The following LAMA2 variants were observed in gnomAD, a reference collection of about 807,000 sequenced individuals.
LAMA2 encodes the protein laminin subunit alpha-2.
LAMA2 carries 269 observed loss-of-function variants against 364.8 expected under a neutral mutation model. That is an observed-to-expected ratio of 0.74 (90% CI 0.67 to 0.82). LAMA2 has a LOEUF of 0.82. Among genes scored for constraint, LAMA2 ranks in the 40% least tolerant of loss-of-function variants. The pLI is 0.00. For synonymous variants in LAMA2, 1,379 were observed against 1,370.6 expected (o/e 1.01, Z -0.14); for missense variants, 3,807 against 3,873.2 (o/e 0.98, Z 0.45).
chr6:129,192,761 C>T lies in LAMA2; in HGVS notation c.1690C>T (p.Pro564Ser). ...VAPQQDDLDS[P>S]QQISISNAEA... ...TCCCCAGCAGGACGACTTGGACTCA[C>T]CTCAGCAGATCAGCATCAGTAACGC... The change falls in exon 12 of 65, where the codon CCT becomes TCT. Residue 564 changes from proline (P) to serine (S), a missense_variant. Transcript: ENST00000421865. The T allele has an allele frequency of 3.1e-6, 5 of 1,614,176 alleles. No individual in the cohort carries two copies. The South Asian group carries it at 5.5e-5, about 18-fold the overall frequency.
At chr6:129,124,040 T>C (rs1776963702) in intron 4 of LAMA2, among the ~76,000 whole-genome samples, 1 of 152,234 alleles carries the variant, frequency 6.6e-6, no homozygotes, top group African/African-American at 2.4e-5. Flanking sequence ...GTAAGGCTTT[T>C]TGTATGTCAA....
At chr6:129,314,398 C>CAAAAAGAAAAAAAAAAAAAAAAAAAAA (rs1774433514) in intron 23 of LAMA2, among the ~76,000 whole-genome samples, 1 of 81,890 alleles carries the variant, frequency 1.2e-5, no homozygotes, top group African/African-American at 5.5e-5. Flanking sequence ...GACTCCGTCT[C>CAAAAAGAAAAAAAAAAAAAAAAAAAAA]AAAAAAAAAA....
intron 22 of LAMA2, among the ~76,000 whole-genome samples, chr6:129,311,118 A>G (rs572144644): frequency 6.6e-6 from 1 of 151,324 alleles, no homozygotes; most frequent in Non-Finnish European, 1.5e-5. Flanking sequence ...AAAAATAATG[A>G]TGAAGATTCT....
intron 3 of LAMA2, among the ~76,000 whole-genome samples, chr6:129,070,178 G>A (rs1184442144): frequency 6.6e-6 from 1 of 152,046 alleles, no homozygotes; most frequent in Non-Finnish European, 1.5e-5. Context: ...GGAGCAAATA[G>A]GCCCACTTCC....
At chr6:129,006,328 C>T (rs1380092902) in intron 1 of LAMA2, among the ~76,000 whole-genome samples, 1 of 152,122 alleles carries the variant, frequency 6.6e-6, no homozygotes, top group Non-Finnish European at 1.5e-5. Context: ...AGTTTAATAT[C>T]TTTTAACTTG....
chr6:129,476,863 T>C (rs1243144744), intron 53 of LAMA2, among the ~76,000 whole-genome samples: 1 of 151,956 alleles, frequency 6.6e-6, no homozygotes, highest in Non-Finnish European at 1.5e-5. Context: ...TCAATGAAAA[T>C]AAAGAAGTTC....
At chr6:129,340,800 C>T (rs867998034) in intron 29 of LAMA2, among the ~76,000 whole-genome samples, 1 of 136,178 alleles carries the variant, frequency 7.3e-6, no homozygotes, top group Middle Eastern at 4.2e-3. Flanking sequence ...GGTGCCACTG[C>T]ACTCCAGCCT....
At chr6:129,196,616 T>G (rs1781868277) in intron 12 of LAMA2, among the ~76,000 whole-genome samples, 1 of 152,224 alleles carries the variant, frequency 6.6e-6, no homozygotes, top group African/African-American at 2.4e-5. Context: ...GTCCTCAAAA[T>G]TATTCAGAAG....
intron 40 of LAMA2, among the ~76,000 whole-genome samples, chr6:129,407,124 G>A (rs535758449): frequency 7.9e-5 from 12 of 152,176 alleles, no homozygotes; most frequent in South Asian, 2.1e-4. Context: ...ATTAGATGGT[G>A]CCCACCCACA....
intron 10 of LAMA2, among the ~76,000 whole-genome samples, chr6:129,189,422 T>G (rs1271086943): frequency 1.3e-5 from 2 of 152,102 alleles, no homozygotes; most frequent in East Asian, 3.8e-4. Flanking sequence ...TGTTTTTCAT[T>G]ATATGGTCAG....
At chr6:129,091,705 C>A (rs2114860301) in intron 3 of LAMA2, among the ~76,000 whole-genome samples, 1 of 152,316 alleles carries the variant, frequency 6.6e-6, no homozygotes, top group East Asian at 1.9e-4. Flanking sequence ...TCCTCCTGAA[C>A]TCCCCACCAC....
chr6:128,972,354 A>G (rs1782236561), intron 1 of LAMA2, among the ~76,000 whole-genome samples: 1 of 152,210 alleles, frequency 6.6e-6, no homozygotes, highest in African/African-American at 2.4e-5. Flanking sequence ...ATGGTTTTGT[A>G]TGAGTTACTT....
At chr6:129,040,011 T>G (rs6569574) in intron 1 of LAMA2, among the ~76,000 whole-genome samples, 50,393 of 152,032 alleles carry the variant, frequency 0.33, 9,754 homozygotes, top group African/African-American at 0.54. Flanking sequence ...GTTGATGTGT[T>G]TGTGTGGCGG....
chr6:129,092,437 G>A (rs983018204), intron 3 of LAMA2, among the ~76,000 whole-genome samples: 3 of 152,122 alleles, frequency 2.0e-5, no homozygotes, highest in African/African-American at 4.8e-5. Flanking sequence ...CTTAATGAAA[G>A]CCACCGTTCC....
intron 1 of LAMA2, among the ~76,000 whole-genome samples, chr6:128,912,396 C>G (rs1471517420): frequency 1.3e-5 from 2 of 152,046 alleles, no homozygotes; most frequent in African/African-American, 4.8e-5. Context: ...AAAGTTGGCT[C>G]TATAGGGAAA....
At chr6:129,373,525 A>G (rs1778204726) in intron 34 of LAMA2, among the ~76,000 whole-genome samples, 1 of 152,122 alleles carries the variant, frequency 6.6e-6, no homozygotes, top group Non-Finnish European at 1.5e-5. Context: ...ATTACCATTA[A>G]CCCAAGACTG....
chr6:129,400,865 G>A (rs6908321), intron 37 of LAMA2, among the ~76,000 whole-genome samples: 65,317 of 152,046 alleles, frequency 0.43, 14,193 homozygotes, highest in South Asian at 0.48. Context: ...TTTGTATATA[G>A]ATTCTAGAAT....
At chr6:129,102,253 C>T (rs1403317664) in intron 4 of LAMA2, among the ~76,000 whole-genome samples, 2 of 151,774 alleles carry the variant, frequency 1.3e-5, no homozygotes, top group East Asian at 3.9e-4. Flanking sequence ...TCTCCTGCCT[C>T]AGCCTCCTGA....
intron 1 of LAMA2, among the ~76,000 whole-genome samples, chr6:129,012,381 T>C (rs895810360): frequency 1.3e-5 from 2 of 152,188 alleles, no homozygotes; most frequent in African/African-American, 4.8e-5. Flanking sequence ...CCCGAACTCC[T>C]ATACTGTCAT....
Sources: gnomAD v4.1 joint callset for allele counts (sites outside exome capture counted in the v4.1 genomes callset) on GRCh38, gnomAD v4.1.1 for gene constraint, MANE v1.5 for transcripts, NCBI Gene and HGNC (gene_info 2026-07-23, HGNC 2026-07-21) for gene names.